The following TMEM178B variants were observed in gnomAD, a reference collection of about 807,000 sequenced individuals.
The protein encoded by TMEM178B is transmembrane protein 178B.
Under a neutral mutation model 31.0 loss-of-function variants are expected in TMEM178B, and 5 were observed. The ratio of observed to expected loss-of-function variants is 0.16; its 90% confidence interval spans 0.08 to 0.34. The LOEUF is 0.34. TMEM178B is among the 10% of genes least tolerant of loss of function. TMEM178B has a pLI of 1.00. For missense variants in TMEM178B, 275 were observed against 400.3 expected (o/e 0.69, Z 2.67); for synonymous variants, 164 against 164.0 (o/e 1.00, Z 0.00).
At chr7:141,383,776 C>G (rs1001789137) in intron 2 of TMEM178B, among the ~76,000 whole-genome samples, 2 of 152,096 alleles carry the variant, frequency 1.3e-5, no homozygotes, top group Non-Finnish European at 2.9e-5. Flanking sequence ...AGTTCTAGAT[C>G]CTTGAGGAAT....
chr7:141,165,241 A>G (rs767774166), intron 1 of TMEM178B, among the ~76,000 whole-genome samples: 1 of 152,114 alleles, frequency 6.6e-6, no homozygotes, highest in Admixed American at 6.6e-5. Flanking sequence ...TGTAATCATT[A>G]TATCTTCTTA....
chr7:141,346,299 T>C lies in TMEM178B; in HGVS notation c.497-91309T>C, dbSNP rs892815981. Reference sequence around the variant, plus strand: ...ATAGATGAATATAAAAAACAGTAAATCATGCTATAGAAAATTGGATAGAGA... The same window carrying C: ...ATAGATGAATATAAAAAACAGTAAACCATGCTATAGAAAATTGGATAGAGA... On this transcript the variant is annotated intron_variant, in intron 2 of 3. Transcript: ENST00000565468. 3.3e-5 allele frequency among the ~76,000 whole-genome samples: 5 copies of C among 152,042 alleles called. No homozygotes were observed. The South Asian group carries it at 6.2e-4, about 19-fold the overall frequency.
intron 3 of TMEM178B, among the ~76,000 whole-genome samples, chr7:141,469,258 A>G (rs1802197420): frequency 6.6e-6 from 1 of 152,214 alleles, no homozygotes; most frequent in African/African-American, 2.4e-5. Flanking sequence ...CTCTCTGCCT[A>G]AATAATTCAT....
In TMEM178B at chr7:141,347,714, C is replaced by A. The variant is rs143672622; in HGVS notation, c.497-89894C>A. On this transcript the variant is annotated intron_variant, in intron 2 of 3. Coordinates refer to ENST00000565468, the MANE Select transcript of TMEM178B (RefSeq NM_001195278.2). ...TGTCTCTTACTCTCCACATCTCCCC[C>A]ACCCCCCGTCTGCCTTCTCTGTCTC... Among the ~76,000 whole-genome samples, 111 of 152,124 alleles carry A rather than the reference C, an allele frequency of 7.3e-4. No individual in the cohort carries two copies. The East Asian group carries it at 0.02, about 27-fold the overall frequency.
chr7:141,457,958 A>G (rs766772866), intron 3 of TMEM178B, among the ~76,000 whole-genome samples: 5 of 152,248 alleles, frequency 3.3e-5, no homozygotes, highest in Non-Finnish European at 5.9e-5. Flanking sequence ...AATGTATAAG[A>G]ACAGAAAGAA....
the TMEM178B span, among the ~76,000 whole-genome samples, chr7:141,504,170 T>G: frequency 6.6e-6 from 1 of 152,236 alleles, no homozygotes; most frequent in East Asian, 1.9e-4. Context: ...AAGAAATTAC[T>G]GTATCTGTTT....
intron 1 of TMEM178B, among the ~76,000 whole-genome samples, chr7:141,085,661 A>G (rs1036212015): frequency 6.6e-6 from 1 of 151,326 alleles, no homozygotes; most frequent in Middle Eastern, 3.2e-3. Flanking sequence ...ATTTCTCTTC[A>G]TCTTTATAAT....
chr7:141,379,638 G>C (rs1800280302), intron 2 of TMEM178B, among the ~76,000 whole-genome samples: 1 of 152,194 alleles, frequency 6.6e-6, no homozygotes, highest in African/African-American at 2.4e-5. Context: ...AGAGGGCTGT[G>C]TGCTGTGCCA....
At chr7:141,403,674 A>G (rs1800828054) in intron 2 of TMEM178B, among the ~76,000 whole-genome samples, 1 of 152,244 alleles carries the variant, frequency 6.6e-6, no homozygotes. Context: ...GAAAATCTAC[A>G]TCAAGTACTT....
chr7:141,074,076 G>A lies in TMEM178B; in HGVS notation c.-235G>A, dbSNP rs1794552614. Among the ~76,000 whole-genome samples the A allele has an allele frequency of 6.6e-6, 1 of 152,172 alleles. No individual in the cohort carries two copies. Among genetic ancestry groups the A allele is most frequent in the African/African-American group, 2.4e-5 (1 of 41,452 alleles). ...CGCCGGAGGCTGCACCTGCCTCAGAGGATGCCCAGGAGCCCGCGGGAGCCT... is the reference window on the plus strand; with the variant it reads ...CGCCGGAGGCTGCACCTGCCTCAGAAGATGCCCAGGAGCCCGCGGGAGCCT... On this transcript the variant is annotated 5_prime_UTR_variant, in exon 1 of 4. Transcript: ENST00000565468. The surrounding 1 kb of genome is among the most constrained non-coding windows in gnomAD (Gnocchi z 5.1).
chr7:141,079,047 G>C (rs1015002810), intron 1 of TMEM178B, among the ~76,000 whole-genome samples: 1 of 152,200 alleles, frequency 6.6e-6, no homozygotes, highest in Non-Finnish European at 1.5e-5. Flanking sequence ...AGCACTTTGG[G>C]AGGCCGAGGC....
At position 141,348,964 on chromosome 7, in the gene TMEM178B, T is replaced by C. The variant is rs61681379; in HGVS notation, c.497-88644T>C. Among the ~76,000 whole-genome samples, 281 of 152,270 alleles carry C rather than the reference T, an allele frequency of 1.8e-3. 1 individual carries two copies. Among genetic ancestry groups the C allele is most frequent in the African/African-American group, 6.5e-3 (271 of 41,552 alleles). ...GTAACGGCGGCAGGGTATCGCTGAT[T>C]GACAGGACCATGAAATGTTCCCACA... is the stretch of plus-strand genomic sequence containing the variant. On this transcript the variant is annotated intron_variant, in intron 2 of 3. Coordinates refer to ENST00000565468, the MANE Select transcript of TMEM178B (RefSeq NM_001195278.2).
chr7:141,418,592 C>T (rs1374671562), intron 2 of TMEM178B, among the ~76,000 whole-genome samples: 1 of 152,182 alleles, frequency 6.6e-6, no homozygotes, highest in African/African-American at 2.4e-5. Flanking sequence ...GTTTGCCCTA[C>T]ACTTTTAGGT....
At chr7:141,116,134 T>G (rs1243502240) in intron 1 of TMEM178B, among the ~76,000 whole-genome samples, 1 of 152,184 alleles carries the variant, frequency 6.6e-6, no homozygotes, top group Non-Finnish European at 1.5e-5. Flanking sequence ...TTTGAACCAC[T>G]GAGAAACCTT....
chr7:141,130,478 G>A (rs747221171), intron 1 of TMEM178B, among the ~76,000 whole-genome samples: 14 of 152,152 alleles, frequency 9.2e-5, no homozygotes, highest in South Asian at 2.1e-4. Flanking sequence ...TATCATGAGA[G>A]TCATCCAAGT....
chr7:141,314,919 T>C (rs1798975238), intron 2 of TMEM178B, among the ~76,000 whole-genome samples: 1 of 152,226 alleles, frequency 6.6e-6, no homozygotes, highest in East Asian at 1.9e-4. Context: ...AGTGGCCATT[T>C]CTACCCAGGT....
Position 141,220,345 on chromosome 7 carries a change from AATAATAATAATAAT to A in TMEM178B, c.496+7643_496+7656del, listed in dbSNP as rs1563122122. 8.8e-4 allele frequency among the ~76,000 whole-genome samples: 122 copies of A among 138,396 alleles called. 1 individual carries two copies. The highest frequency in any genetic ancestry group is 3.3e-3 in the African/African-American group (114 of 34,318). The allele number at this position is 138,396 out of a possible 152,430, so 90.8% of individuals were successfully genotyped here. A position where few individuals can be genotyped will look rare whatever the true frequency, so the allele number is the denominator to read the frequency against. ...TAATAATAATAATAATAATAATAAT[AATAATAATAATAAT>A]AAAATAATAAATGCATGTGCATGTA... On this transcript the variant is annotated intron_variant, in intron 2 of 3. Coordinates refer to ENST00000565468, the MANE Select transcript of TMEM178B (RefSeq NM_001195278.2).
intron 1 of TMEM178B, among the ~76,000 whole-genome samples, chr7:141,131,544 GT>G (rs138249050): frequency 0.018 from 2,792 of 152,202 alleles, 75 homozygotes; most frequent in East Asian, 0.11. Context: ...CCACTTTCGG[GT>G]TACGTATAAT....
chr7:141,390,537 C>T (rs1031725083), intron 2 of TMEM178B, among the ~76,000 whole-genome samples: 1 of 152,222 alleles, frequency 6.6e-6, no homozygotes, highest in Non-Finnish European at 1.5e-5. Context: ...TTCCAGGGGC[C>T]GCCTGGTATC....
Sources: allele counts gnomAD v4.1 joint callset (sites outside exome capture counted in the v4.1 genomes callset), GRCh38; gene constraint gnomAD v4.1.1; non-coding constraint Gnocchi (gnomAD v3.1); transcripts MANE v1.5; gene names NCBI Gene and HGNC (gene_info 2026-07-23, HGNC 2026-07-21).